Variants in POLN observed in about 807,000 individuals in gnomAD.
POLN encodes the protein DNA polymerase nu.
POLN carries 108 observed loss-of-function variants against 113.5 expected under a neutral mutation model. The observed-to-expected ratio is 0.95, with a 90% confidence interval of 0.81 to 1.12. POLN has a LOEUF of 1.12. Ranked by LOEUF, POLN falls within the 50% of genes most tolerant of loss-of-function variation. POLN has a pLI of 0.00. For synonymous variants in POLN, 386 were observed against 391.5 expected (o/e 0.99, Z 0.17); for missense variants, 1,097 against 1,077.1 (o/e 1.02, Z -0.26).
chr4:2,146,367 G>A (rs1223123327), intron 16 of POLN, among the ~76,000 whole-genome samples: 2 of 152,070 alleles, frequency 1.3e-5, no homozygotes, highest in East Asian at 3.8e-4. Context: ...AATTAGCCAG[G>A]CGTGGTGGCA....
intron 16 of POLN, among the ~76,000 whole-genome samples, chr4:2,135,364 G>A (rs1002990355): frequency 2.0e-5 from 3 of 152,180 alleles, no homozygotes; most frequent in African/African-American, 7.2e-5. Flanking sequence ...ATCAGCCCGT[G>A]CCAAGCTTTT....
At position 2,161,516 on chromosome 4, in the gene POLN, C is replaced by T. The variant is rs12643692; in HGVS notation, c.1555-2305G>A. ...AGCTGCCTTCCATCAGGGTAGGGCT[C>T]GGGACCTGCAACCCGCCATGCCTTA... On this transcript the variant is annotated intron_variant, in intron 13 of 25. Transcript: ENST00000511885. 5.1e-4 allele frequency among the ~76,000 whole-genome samples: 77 copies of T among 152,350 alleles called. 1 individual carries two copies. In the East Asian group the frequency reaches 0.011, roughly 23 times the overall value.
chr4:2,094,363 C>CAAAAAAAAAAAAAG (rs57646944), intron 20 of POLN, among the ~76,000 whole-genome samples: 1 of 53,364 alleles, frequency 1.9e-5, no homozygotes, highest in African/African-American at 8.0e-5. Flanking sequence ...GTTCTGTCTC[C>CAAAAAAAAAAAAAG]AAAAAAAAAA....
intron 16 of POLN, among the ~76,000 whole-genome samples, chr4:2,143,860 A>G (rs1339456625): frequency 1.3e-5 from 2 of 152,166 alleles, no homozygotes; most frequent in Non-Finnish European, 2.9e-5. Context: ...AGAAAAATAA[A>G]GACAAGTACA....
At chr4:2,101,001 T>C (rs1730909068) in intron 19 of POLN, among the ~76,000 whole-genome samples, 1 of 152,212 alleles carries the variant, frequency 6.6e-6, no homozygotes. Flanking sequence ...TCATGGGCCT[T>C]GGTGTGTTGC....
chr4:2,084,892 A>G (rs1042633873), intron 21 of POLN, among the ~76,000 whole-genome samples: 1 of 151,974 alleles, frequency 6.6e-6, no homozygotes, highest in Non-Finnish European at 1.5e-5. Context: ...TCTCCCACTG[A>G]TTTCTTCCTT....
At chr4:2,113,793 G>C (rs904094779) in intron 19 of POLN, among the ~76,000 whole-genome samples, 3 of 151,460 alleles carry the variant, frequency 2.0e-5, no homozygotes, top group Non-Finnish European at 4.4e-5. Flanking sequence ...AGGAGGCGGA[G>C]GTTGCAGTGA....
intron 16 of POLN, among the ~76,000 whole-genome samples, chr4:2,136,373 G>C (rs1731857350): frequency 6.6e-6 from 1 of 152,252 alleles, no homozygotes; most frequent in Non-Finnish European, 1.5e-5. Context: ...ACCCCGCAGA[G>C]GAAGGCACCT....
rs750948281 is a variant in POLN at position 2,072,090 on chromosome 4, C to A, written c.*24G>T. Reference sequence around the variant, plus strand: ...CACAATGGACTGCTGGAAACCAGTTCTCTCCTCCCACTGTTGCCTGGGGCT... The same window carrying A: ...CACAATGGACTGCTGGAAACCAGTTATCTCCTCCCACTGTTGCCTGGGGCT... On this transcript the variant is annotated 3_prime_UTR_variant, in exon 26 of 26. Coordinates refer to ENST00000511885, the MANE Select transcript of POLN (RefSeq NM_181808.4). The A allele has an allele frequency of 9.9e-6, 16 of 1,611,958 alleles. No homozygotes were observed. Among genetic ancestry groups the A allele is most frequent in the South Asian group, 5.5e-5 (5 of 91,048 alleles).
chr4:2,123,169 GAAACCAAACCAAACC>G (rs112587303), intron 19 of POLN, among the ~76,000 whole-genome samples: 5 of 151,862 alleles, frequency 3.3e-5, no homozygotes, highest in African/African-American at 1.2e-4. Context: ...TCTTATCTCA[GAAACCAAACCAAACC>G]AAACCAAACC....
chr4:2,188,318 G>T (rs186681448), intron 7 of POLN, among the ~76,000 whole-genome samples: 1 of 152,080 alleles, frequency 6.6e-6, no homozygotes, highest in East Asian at 1.9e-4. Context: ...AAAAAAACAC[G>T]GGCCGGGCGC....
At chr4:2,084,982 A>T (rs1005853818) in intron 21 of POLN, among the ~76,000 whole-genome samples, 1 of 152,260 alleles carries the variant, frequency 6.6e-6, no homozygotes, top group African/African-American at 2.4e-5. Flanking sequence ...TCTTTAAAAA[A>T]TACTCCTTTA....
chr4:2,137,487 G>A (rs1265136158), intron 16 of POLN, among the ~76,000 whole-genome samples: 1 of 152,238 alleles, frequency 6.6e-6, no homozygotes, highest in Admixed American at 6.5e-5. Flanking sequence ...TGATGCCACT[G>A]CACTTGACCT....
intron 2 of POLN, chr4:2,239,014 T>C: frequency 6.5e-7 from 1 of 1,540,270 alleles, no homozygotes; most frequent in East Asian, 2.3e-5. Flanking sequence ...AGCTAGAAAT[T>C]TTAGCATCCA....
At chr4:2,232,771 C>T (rs927430913) in intron 2 of POLN, among the ~76,000 whole-genome samples, 2 of 152,124 alleles carry the variant, frequency 1.3e-5, no homozygotes, top group African/African-American at 4.8e-5. Context: ...ATTCAAATTC[C>T]TCAGTGTCTA....
In POLN at chr4:2,212,030, G is replaced by A. The variant is rs73083132; in HGVS notation, c.213+1017C>T. On this transcript the variant is annotated intron_variant, in intron 4 of 25. Coordinates refer to ENST00000511885, the MANE Select transcript of POLN (RefSeq NM_181808.4). ...GCAGATAATCATCCTATGAACCCAGGGGCAAATAATCATCCCATCAACCCA... is the reference window on the plus strand; with the variant it reads ...GCAGATAATCATCCTATGAACCCAGAGGCAAATAATCATCCCATCAACCCA... Among the ~76,000 whole-genome samples the A allele has an allele frequency of 4.6e-3, 694 of 152,036 alleles. 5 individuals carry two copies. The highest frequency in any genetic ancestry group is 0.016 in the African/African-American group (662 of 41,464).
chr4:2,189,908 C>G (rs1560087967), intron 7 of POLN, among the ~76,000 whole-genome samples: 1 of 151,430 alleles, frequency 6.6e-6, no homozygotes, highest in Non-Finnish European at 1.5e-5. Context: ...GCCTATAGTC[C>G]CAGCTACTTC....
intron 16 of POLN, among the ~76,000 whole-genome samples, chr4:2,146,799 C>G (rs1732154773): frequency 6.6e-6 from 1 of 152,072 alleles, no homozygotes; most frequent in African/African-American, 2.4e-5. Context: ...ACAGAGGTAA[C>G]AACAGCAATG....
chr4:2,136,119 G>C (rs997204004), intron 16 of POLN, among the ~76,000 whole-genome samples: 3 of 152,192 alleles, frequency 2.0e-5, no homozygotes, highest in Non-Finnish European at 4.4e-5. Context: ...CAGGTCCAAC[G>C]AATGTCCAGG....
Sources: allele counts gnomAD v4.1 joint callset (sites outside exome capture counted in the v4.1 genomes callset), GRCh38; gene constraint gnomAD v4.1.1; transcripts MANE v1.5; gene names NCBI Gene and HGNC (gene_info 2026-07-23, HGNC 2026-07-21).